Variants in KLRF1 observed in about 807,000 individuals in gnomAD.
KLRF1 encodes the protein killer cell lectin-like receptor subfamily F member 1.
Under a neutral mutation model 30.7 loss-of-function variants are expected in KLRF1, and 27 were observed. That is an observed-to-expected ratio of 0.88 (90% CI 0.65 to 1.21). The LOEUF (loss-of-function observed/expected upper bound fraction) is 1.21. Among genes scored for constraint, KLRF1 ranks in the 50% most tolerant of loss-of-function variants. The probability of loss-of-function intolerance (pLI) is 0.00; values close to 1 mark genes in which losing one functional copy is unlikely to be tolerated. For synonymous variants in KLRF1, 92 were observed against 89.3 expected (o/e 1.03, Z -0.17); for missense variants, 246 against 259.3 (o/e 0.95, Z 0.35).
upstream of KLRF1, among the ~76,000 whole-genome samples, chr12:9,823,917 C>T (rs1867253624): frequency 6.6e-6 from 1 of 152,088 alleles, no homozygotes; most frequent in African/African-American, 2.4e-5. Flanking sequence ...ATACAGCCTC[C>T]CAACACCGAA....
Position 9,842,413 on chromosome 12 carries a change from T to C in KLRF1, c.567T>C (p.Gly189=). Residue 189 remains glycine, a synonymous_variant, in exon 5 of 6, where the codon GGT becomes GGC. Coordinates refer to ENST00000617889, the MANE Select transcript of KLRF1 (RefSeq NM_016523.3). ...AAATGACATGGACTTGGGTGGATGG[T>C]TCTCCAATAGATTCAAAGATGTGAG... ...SLKMTWTWVD[G]SPIDSKIFFI... 2 of 1,612,250 alleles carry C rather than the reference T, an allele frequency of 1.2e-6. No homozygotes were observed. Among genetic ancestry groups the C allele is most frequent in the Non-Finnish European group, 1.7e-6 (2 of 1,178,876 alleles).
At chr12:9,805,757 CA>C in the KLRF1 span, among the ~76,000 whole-genome samples, 9 of 151,902 alleles carry the variant, frequency 5.9e-5, no homozygotes, top group African/African-American at 1.9e-4. Flanking sequence ...TTGAATCTCT[CA>C]AAAAAATTTT....
intron 3 of KLRF1, among the ~76,000 whole-genome samples, chr12:9,834,865 T>A (rs1361350171): frequency 6.6e-6 from 1 of 152,024 alleles, no homozygotes; most frequent in Non-Finnish European, 1.5e-5. Context: ...GAGTCCTCCT[T>A]TTTCAGCAGT....
At chr12:9,839,376 G>A (rs1472561216) in intron 3 of KLRF1, among the ~76,000 whole-genome samples, 1 of 151,942 alleles carries the variant, frequency 6.6e-6, no homozygotes, top group Non-Finnish European at 1.5e-5. Context: ...GTATTTTGGG[G>A]TATGCAAACA....
intron 5 of KLRF1, among the ~76,000 whole-genome samples, chr12:9,843,885 C>T (rs762507461): frequency 6.6e-6 from 1 of 152,058 alleles, no homozygotes; most frequent in Non-Finnish European, 1.5e-5. Context: ...ATCACTAACA[C>T]TACATTATTT....
intron 3 of KLRF1, among the ~76,000 whole-genome samples, chr12:9,840,577 AAAG>A (rs1379036861): frequency 1.3e-5 from 2 of 152,110 alleles, no homozygotes; most frequent in African/African-American, 2.4e-5. Flanking sequence ...GGTTGAAAAT[AAAG>A]AAGTTGAAAA....
intron 4 of KLRF1, 81 bp downstream of exon 4, chr12:9,842,032 A>G: frequency 7.1e-7 from 1 of 1,406,562 alleles, no homozygotes; most frequent in Non-Finnish European, 9.7e-7. Flanking sequence ...CTTTGCATTA[A>G]ATCATCATTT....
intron 1 of KLRF1, among the ~76,000 whole-genome samples, chr12:9,831,843 T>G (rs1867434939): frequency 6.6e-6 from 1 of 152,194 alleles, no homozygotes; most frequent in African/African-American, 2.4e-5. Flanking sequence ...TTTTTTTGAT[T>G]AAAATAGCAG....
At chr12:9,805,620 G>T in the KLRF1 span, among the ~76,000 whole-genome samples, 2 of 151,894 alleles carry the variant, frequency 1.3e-5, no homozygotes, top group Non-Finnish European at 2.9e-5. Context: ...TTTAATAATT[G>T]GTAGAATTCA....
Position 9,827,582 on chromosome 12 carries a change from A to G in KLRF1, c.38A>G (p.Gln13Arg). The G allele has an allele frequency of 6.2e-7, 1 of 1,609,364 alleles. No homozygotes were observed. Among genetic ancestry groups the G allele is most frequent in the Non-Finnish European group, 8.5e-7 (1 of 1,177,030 alleles). ...GAAAGATACATGACATTGAATGTAC[A>G]GTCAAAGAAAAGGAGTTCTGCCCAA... ...DEERYMTLNV[Q>R]SKKRSSAQTS... Residue 13 changes from glutamine (Q) to arginine (R), a missense_variant, in exon 1 of 6, where the codon CAG becomes CGG. Coordinates refer to ENST00000617889, the MANE Select transcript of KLRF1 (RefSeq NM_016523.3).
the KLRF1 span, among the ~76,000 whole-genome samples, chr12:9,806,323 A>T: frequency 3.3e-5 from 5 of 152,148 alleles, no homozygotes; most frequent in East Asian, 9.7e-4. Flanking sequence ...TTTAAGTTCC[A>T]CATATTTGTA....
At chr12:9,823,584 GAAGT>G (rs1234816877), upstream of KLRF1, among the ~76,000 whole-genome samples, 2 of 152,034 alleles carry the variant, frequency 1.3e-5, no homozygotes, top group Non-Finnish European at 2.9e-5. Flanking sequence ...AAGAACTGGA[GAAGT>G]AAGAGCCAAC....
chr12:9,829,518 C>T (rs7969365), intron 1 of KLRF1, among the ~76,000 whole-genome samples: 2 of 152,044 alleles, frequency 1.3e-5, no homozygotes, highest in Admixed American at 6.6e-5. Context: ...TTTGGAAGGC[C>T]GAGGCAGGAT....
At chr12:9,817,183 A>AT in the KLRF1 span, among the ~76,000 whole-genome samples, 2 of 152,250 alleles carry the variant, frequency 1.3e-5, no homozygotes, top group African/African-American at 2.4e-5. Context: ...ATCATGGTTA[A>AT]TAACATGAAT....
At chr12:9,839,526 C>A (rs1191981646) in intron 3 of KLRF1, among the ~76,000 whole-genome samples, 1 of 152,052 alleles carries the variant, frequency 6.6e-6, no homozygotes, top group East Asian at 1.9e-4. Context: ...ACTTATAACT[C>A]AAAAACACAA....
chr12:9,817,826 C>A, the KLRF1 span: 1 of 196,018 alleles, frequency 5.1e-6, no homozygotes. Flanking sequence ...TCTGAAACCT[C>A]AAGTTTAGTC....
At chr12:9,809,478 AACTTAAGTATTATTTCCAG>A in the KLRF1 span, among the ~76,000 whole-genome samples, 1 of 152,172 alleles carries the variant, frequency 6.6e-6, no homozygotes, top group African/African-American at 2.4e-5. Context: ...TTGAAACCGT[AACTTAAGTATTATTTCCAG>A]GAACTAAAGC....
upstream of KLRF1, among the ~76,000 whole-genome samples, chr12:9,826,719 A>G (rs1052806170): frequency 6.6e-5 from 10 of 152,214 alleles, no homozygotes; most frequent in Non-Finnish European, 7.4e-5. Flanking sequence ...TGTCCATTGC[A>G]GGAACATAGA....
At chr12:9,818,558 C>A in the KLRF1 span, among the ~76,000 whole-genome samples, 15 of 152,180 alleles carry the variant, frequency 9.9e-5, no homozygotes, top group African/African-American at 2.7e-4. Flanking sequence ...GAAGGCAAAT[C>A]TGTTCCTAAA....
Sources: gnomAD v4.1 joint callset for allele counts (sites outside exome capture counted in the v4.1 genomes callset) on GRCh38, gnomAD v4.1.1 for gene constraint, MANE v1.5 for transcripts, NCBI Gene and HGNC (gene_info 2026-07-23, HGNC 2026-07-21) for gene names.